The following CNTLN variants were observed in gnomAD, a reference collection of about 807,000 sequenced individuals.
The protein encoded by CNTLN is centlein, centrosomal protein.
A neutral mutation model predicts 180.0 loss-of-function variants in CNTLN; 212 were observed. The ratio of observed to expected loss-of-function variants is 1.18; its 90% confidence interval spans 1.05 to 1.32. CNTLN has a LOEUF of 1.32. Among genes scored for constraint, CNTLN ranks in the 40% most tolerant of loss-of-function variants. The probability of loss-of-function intolerance (pLI) is 0.00; values close to 1 mark genes in which losing one functional copy is unlikely to be tolerated. For missense variants in CNTLN, 2,095 were observed against 1,610.9 expected, an observed-to-expected ratio of 1.30 and a Z score of -5.14; for synonymous variants, 722 against 563.1, an observed-to-expected ratio of 1.28 and a Z score of -3.99.
At chr9:17,442,472 C>T (rs1038661146) in intron 18 of CNTLN, among the ~76,000 whole-genome samples, 1 of 152,164 alleles carries the variant, frequency 6.6e-6, no homozygotes, top group South Asian at 2.1e-4. Flanking sequence ...GATCTCAGCT[C>T]ACTGCACCCT....
Position 17,466,731 on chromosome 9 carries a change from C to T in CNTLN, c.3695C>T (p.Ser1232Leu). The T allele has an allele frequency of 6.2e-7, 1 of 1,609,618 alleles. No individual in the cohort carries two copies. The highest frequency in any genetic ancestry group is 8.5e-7 in the Non-Finnish European group (1 of 1,177,294). The change falls in exon 23 of 26, where the codon TCA becomes TTA. Residue 1232 changes from serine to leucine, a missense_variant. Ser to Leu is a moderately radical substitution (Grantham distance 145). Transcript: ENST00000380647. ...GATCTCAAGCTTACTCTCCTAGTAT[C>T]AAGAATAAGTGAGACTGAATCTGCA... ...KKDLKLTLLV[S>L]RISETESAMA...
intron 2 of CNTLN, among the ~76,000 whole-genome samples, chr9:17,176,840 A>G (rs1820748368): frequency 6.6e-6 from 1 of 152,134 alleles, no homozygotes; most frequent in South Asian, 2.1e-4. Flanking sequence ...TGGTTTTTCT[A>G]AGTTGTCAAA....
intron 14 of CNTLN, among the ~76,000 whole-genome samples, chr9:17,389,481 A>G (rs568045395): frequency 1.7e-4 from 26 of 152,306 alleles, no homozygotes; most frequent in African/African-American, 6.0e-4. Context: ...TCCATCTGCC[A>G]TAAATGAATG....
intron 5 of CNTLN, among the ~76,000 whole-genome samples, chr9:17,251,587 T>G (rs148295995): frequency 2.9e-3 from 445 of 152,052 alleles, no homozygotes; most frequent in Non-Finnish European, 5.2e-3. Context: ...TGTGTGTGTA[T>G]TTTGTTCCTT....
At chr9:17,513,147 C>T in the CNTLN span, among the ~76,000 whole-genome samples, 1 of 151,914 alleles carries the variant, frequency 6.6e-6, no homozygotes, top group African/African-American at 2.4e-5. Flanking sequence ...AATTATGTTC[C>T]CATGGACATA....
intron 18 of CNTLN, among the ~76,000 whole-genome samples, chr9:17,452,795 A>C (rs867779255): frequency 3.9e-5 from 6 of 152,244 alleles, no homozygotes; most frequent in African/African-American, 1.4e-4. Context: ...TTTGTGAATG[A>C]AATCCCATAT....
chr9:17,296,345 A>G (rs1182225030), intron 6 of CNTLN, among the ~76,000 whole-genome samples: 1 of 152,118 alleles, frequency 6.6e-6, no homozygotes, highest in Non-Finnish European at 1.5e-5. Flanking sequence ...CTAAAGATAC[A>G]TATATTTTGT....
intron 2 of CNTLN, among the ~76,000 whole-genome samples, chr9:17,174,067 AAT>A (rs1820570724): frequency 6.6e-6 from 1 of 152,154 alleles, no homozygotes; most frequent in African/African-American, 2.4e-5. Context: ...TCATTTCTAA[AAT>A]GTTGTATAAA....
In CNTLN at chr9:17,252,536, A is replaced by T. The variant is rs145031729; in HGVS notation, c.849+15948A>T. ...TTTCATATACCTGTTGGCCATGTGTATATCTTCTTTTGAGAAATGTCCATT... is the reference window on the plus strand; with the variant it reads ...TTTCATATACCTGTTGGCCATGTGTTTATCTTCTTTTGAGAAATGTCCATT... On this transcript the variant is annotated intron_variant, in intron 5 of 25. Transcript: ENST00000380647. 3.6e-3 allele frequency among the ~76,000 whole-genome samples: 552 copies of T among 151,808 alleles called. 4 individuals carry two copies. The highest frequency in any genetic ancestry group is 0.013 in the African/African-American group (532 of 41,498).
intron 18 of CNTLN, among the ~76,000 whole-genome samples, chr9:17,445,224 A>G (rs1366593782): frequency 1.3e-5 from 2 of 152,246 alleles, no homozygotes; most frequent in Admixed American, 1.3e-4. Context: ...TGATATGAAT[A>G]CTTAGTACTG....
At chr9:17,365,413 G>A (rs550664129) in intron 12 of CNTLN, among the ~76,000 whole-genome samples, 32 of 152,072 alleles carry the variant, frequency 2.1e-4, no homozygotes, top group African/African-American at 5.8e-4. Context: ...TATAAATTAC[G>A]TAGTCTCAGG....
intron 3 of CNTLN, among the ~76,000 whole-genome samples, chr9:17,234,203 T>C (rs1387828729): frequency 1.3e-5 from 2 of 152,140 alleles, no homozygotes; most frequent in African/African-American, 4.8e-5. Context: ...ACACCTGTTA[T>C]CTCAGCGGGG....
At chr9:17,219,822 GT>G in intron 2 of CNTLN, among the ~76,000 whole-genome samples, 1 of 152,174 alleles carries the variant, frequency 6.6e-6, no homozygotes, top group Non-Finnish European at 1.5e-5. Context: ...GCTAGCCAAT[GT>G]GGTTTCTGGT....
chr9:17,227,967 C>G (rs1274771372), intron 3 of CNTLN, among the ~76,000 whole-genome samples: 1 of 152,002 alleles, frequency 6.6e-6, no homozygotes, highest in African/African-American at 2.4e-5. Context: ...CAAGTACAAC[C>G]TTATGAGCCA....
At chr9:17,434,595 A>G (rs1265744942) in intron 18 of CNTLN, among the ~76,000 whole-genome samples, 1 of 152,098 alleles carries the variant, frequency 6.6e-6, no homozygotes, top group African/African-American at 2.4e-5. Context: ...GTCTGTGTAT[A>G]TTTCCAAATT....
At chr9:17,244,496 G>T (rs10962933) in intron 5 of CNTLN, among the ~76,000 whole-genome samples, 1 of 151,970 alleles carries the variant, frequency 6.6e-6, no homozygotes, top group African/African-American at 2.4e-5. Context: ...GGGGTTATAG[G>T]TATGCACCAC....
At chr9:17,513,007 ATGG>A in the CNTLN span, among the ~76,000 whole-genome samples, 4 of 151,862 alleles carry the variant, frequency 2.6e-5, no homozygotes, top group Non-Finnish European at 4.4e-5. Context: ...TTTAGTAGAG[ATGG>A]GGGTTTCACC....
rs1832804455 is a variant in CNTLN, at chr9:17,484,499, T to G, written c.4041+19T>G. The G allele has an allele frequency of 6.4e-7, 1 of 1,562,324 alleles. No homozygotes were observed. The highest frequency in any genetic ancestry group is 1.4e-5 in the African/African-American group (1 of 72,134). On this transcript the variant is annotated intron_variant, in intron 24 of 25. Transcript: ENST00000380647. ...TCAAGTGGTAAGATCATTTAAATAT[T>G]TATTATTAAAGGGTTTATTATACAC...
At chr9:17,143,264 T>G (rs1208175777) in intron 1 of CNTLN, 24 bp from the exon 2 acceptor site, 1 of 1,564,310 alleles carries the variant, frequency 6.4e-7, no homozygotes, top group Non-Finnish European at 8.8e-7. Context: ...GCAATGCATC[T>G]AAATTCTCTT....
Sources: allele counts gnomAD v4.1 joint callset (sites outside exome capture counted in the v4.1 genomes callset), GRCh38; gene constraint gnomAD v4.1.1; transcripts MANE v1.5; gene names NCBI Gene and HGNC (gene_info 2026-07-23, HGNC 2026-07-21).